The following GOLM2 variants were observed in gnomAD, a reference collection of about 807,000 sequenced individuals.
The protein encoded by GOLM2 is protein GOLM2.
A neutral mutation model predicts 55.9 loss-of-function variants in GOLM2; 26 were observed. The ratio of observed to expected loss-of-function variants is 0.47; its 90% CI spans 0.34 to 0.65. GOLM2 has a LOEUF of 0.65. Ranked by LOEUF, GOLM2 falls within the 30% of genes least tolerant of loss-of-function variation. The pLI, the probability that GOLM2 is intolerant of heterozygous loss-of-function variation, is 0.01. For missense variants in GOLM2, 486 were observed against 531.8 expected (o/e 0.91, Z 0.85); for synonymous variants, 165 against 194.6 (o/e 0.85, Z 1.27).
chr15:44,413,171 C>T (rs1409761341), intron 9 of GOLM2, among the ~76,000 whole-genome samples, 165 bp from the exon 10 acceptor site: 1 of 152,092 alleles, frequency 6.6e-6, no homozygotes, highest in African/African-American at 2.4e-5. Context: ...GTTCCACATA[C>T]TTTTCACTCT....
At chr15:44,362,222 G>A (rs2079245845) in intron 6 of GOLM2, among the ~76,000 whole-genome samples, 1 of 151,402 alleles carries the variant, frequency 6.6e-6, no homozygotes, top group Middle Eastern at 3.4e-3. Context: ...GGAAATAAAG[G>A]GTATTCAATT....
intron 1 of GOLM2, among the ~76,000 whole-genome samples, chr15:44,292,714 T>C (rs1201651763): frequency 6.6e-6 from 1 of 152,156 alleles, no homozygotes; most frequent in East Asian, 1.9e-4. Context: ...GAATGTCTGT[T>C]CTTGGGGTTA....
At chr15:44,353,414 G>GGCATAT in intron 6 of GOLM2, among the ~76,000 whole-genome samples, 1 of 152,208 alleles carries the variant, frequency 6.6e-6, no homozygotes, top group Admixed American at 6.5e-5. Flanking sequence ...GATATGACCT[G>GGCATAT]GCATTCATAT....
In GOLM2 at chr15:44,289,386, C is replaced by T. The variant is rs545950464; in HGVS notation, c.327+30C>T. On this transcript the variant is annotated intron_variant, in intron 1 of 9. Transcript: ENST00000299957. The surrounding 1 kb of genome is among the most constrained non-coding windows in gnomAD (Gnocchi z 4.8). The stretch of plus-strand genomic sequence containing the variant: ...GGACGACCCTTTTCTCTTCAAACCC[C>T]ATGGTTTCTTTTCTCCCCGGGGTCT... 1 of 1,569,832 alleles carries T rather than the reference C, an allele frequency of 6.4e-7. No individual in the cohort carries two copies. The highest frequency in any genetic ancestry group is 8.7e-7 in the Non-Finnish European group (1 of 1,155,978).
chr15:44,355,773 T>G (rs906927276), intron 6 of GOLM2: 2 of 156,812 alleles, frequency 1.3e-5, no homozygotes, highest in Admixed American at 6.5e-5. Flanking sequence ...CCTGCCTCAC[T>G]CCGTCCCCCA....
chr15:44,325,274 C>T (rs950242385), intron 2 of GOLM2, among the ~76,000 whole-genome samples: 3 of 152,156 alleles, frequency 2.0e-5, no homozygotes, highest in Non-Finnish European at 4.4e-5. Flanking sequence ...TATGATCTTT[C>T]TCTGTATTCA....
At chr15:44,294,778 G>C (rs772829018) in intron 1 of GOLM2, among the ~76,000 whole-genome samples, 61 of 150,054 alleles carry the variant, frequency 4.1e-4, no homozygotes, top group Middle Eastern at 3.2e-3. Context: ...GGTGGGGGGC[G>C]CCTGTAATCC....
intron 1 of GOLM2, among the ~76,000 whole-genome samples, chr15:44,301,348 T>C (rs1354067644): frequency 1.3e-5 from 2 of 152,204 alleles, no homozygotes; most frequent in African/African-American, 4.8e-5. Context: ...ATAATACCCA[T>C]TTATCTTGGT....
chr15:44,343,839 G>C (rs1411071298), intron 6 of GOLM2, among the ~76,000 whole-genome samples: 1 of 147,564 alleles, frequency 6.8e-6, no homozygotes, highest in Non-Finnish European at 1.5e-5. Context: ...AAAAAAAAAA[G>C]AAAAAAATAT....
At chr15:44,396,546 GC>G (rs2079528372) in intron 8 of GOLM2, among the ~76,000 whole-genome samples, 1 of 152,020 alleles carries the variant, frequency 6.6e-6, no homozygotes, top group Admixed American at 6.6e-5. Flanking sequence ...CATGACCAAA[GC>G]CCTTACTCAT....
chr15:44,395,222 G>A (rs1299297239), intron 8 of GOLM2, among the ~76,000 whole-genome samples: 1 of 146,844 alleles, frequency 6.8e-6, no homozygotes, highest in East Asian at 2.0e-4. Context: ...GGGTTTCACT[G>A]TGGTCTCGAT....
rs749491303 is a variant in GOLM2 at position 44,402,746 on chromosome 15, C to A, written c.1073-141C>A. 4 of 635,732 alleles carry A rather than the reference C, an allele frequency of 6.3e-6. No homozygotes were observed. The South Asian group carries it at 6.9e-5, about 11-fold the overall frequency. 39.4% of individuals were successfully genotyped at this position (635,732 alleles called of 1,614,324 possible). On this transcript the variant is annotated intron_variant, in intron 8 of 9. Transcript: ENST00000299957. ...TCTTATATACTTTTGTCTTGGATAA[C>A]CTTCACAAAATGTATCCTTTTATAT...
rs548874659 is a variant in GOLM2 at position 44,373,829 on chromosome 15, G to A, written c.803-5861G>A. Reference sequence around the variant, plus strand: ...AAATATTATCCAATTGGCTGGGTGCGATGGCTCACACCTATAATCCCAGCA... The same window carrying A: ...AAATATTATCCAATTGGCTGGGTGCAATGGCTCACACCTATAATCCCAGCA... On this transcript the variant is annotated intron_variant, in intron 6 of 9. Coordinates refer to ENST00000299957, the MANE Select transcript of GOLM2 (RefSeq NM_138423.4). Among the ~76,000 whole-genome samples, 11 of 151,556 alleles carry A rather than the reference G, an allele frequency of 7.3e-5. No individual in the cohort carries two copies. The South Asian group carries it at 2.3e-3, about 32-fold the overall frequency.
intron 8 of GOLM2, among the ~76,000 whole-genome samples, chr15:44,399,447 A>G (rs376065041): frequency 6.6e-6 from 1 of 152,180 alleles, no homozygotes; most frequent in African/African-American, 2.4e-5. Flanking sequence ...TTGTGTCATT[A>G]TTCATTCTTG....
chr15:44,380,690 G>C lies in GOLM2; in HGVS notation c.902-116G>C, dbSNP rs1227876196. ...TAAAAAAAAAAAAAAAAGCTTTGTG[G>C]CTACCCAATGTTAAACAATAGTGTG... On this transcript the variant is annotated intron_variant, in intron 7 of 9. Coordinates refer to ENST00000299957, the MANE Select transcript of GOLM2 (RefSeq NM_138423.4). 4.7e-6 allele frequency: 3 copies of C among 631,698 alleles called. No homozygotes were observed. In the African/African-American group the frequency reaches 5.8e-5, roughly 12 times the overall value. The allele number at this position is 631,698 out of a possible 1,614,324, so 39.1% of individuals were successfully genotyped here. A position where few individuals can be genotyped will look rare whatever the true frequency, so the allele number is the denominator to read the frequency against.
chr15:44,363,170 A>T (rs950013201), intron 6 of GOLM2, among the ~76,000 whole-genome samples: 1 of 152,206 alleles, frequency 6.6e-6, no homozygotes, highest in Non-Finnish European at 1.5e-5. Context: ...AAGCAATGGC[A>T]ACAAAAGCCA....
chr15:44,398,620 T>C (rs938839906), intron 8 of GOLM2, among the ~76,000 whole-genome samples: 1 of 151,928 alleles, frequency 6.6e-6, no homozygotes, highest in African/African-American at 2.4e-5. Flanking sequence ...TACTTTGTCA[T>C]TGGATTTAAA....
chr15:44,303,520 T>A (rs1226670174), intron 1 of GOLM2, among the ~76,000 whole-genome samples: 1 of 152,166 alleles, frequency 6.6e-6, no homozygotes, highest in East Asian at 1.9e-4. Context: ...ATTAGCTTCA[T>A]GGGGATATAA....
chr15:44,381,125 A>G, intron 8 of GOLM2, 149 bp downstream of exon 8: 1 of 464,136 alleles, frequency 2.2e-6, no homozygotes. Context: ...TTTAAAGGAA[A>G]TACAGGTTTT....
Sources: gnomAD v4.1 joint callset for allele counts (sites outside exome capture counted in the v4.1 genomes callset) on GRCh38, gnomAD v4.1.1 for gene constraint, Gnocchi (gnomAD v3.1) non-coding constraint, MANE v1.5 for transcripts, NCBI Gene and HGNC (gene_info 2026-07-23, HGNC 2026-07-21) for gene names.